RHOT1: variants seen among roughly 807,000 people sequenced by gnomAD.
The protein encoded by RHOT1 is mitochondrial Rho GTPase 1.
A neutral mutation model predicts 95.3 loss-of-function variants in RHOT1; 27 were observed. That is an observed-to-expected ratio of 0.28 (90% confidence interval 0.21 to 0.39). The LOEUF is 0.39. RHOT1 is among the 10% of genes least tolerant of loss of function. RHOT1 has a pLI of 1.00. For synonymous variants in RHOT1, 227 were observed against 263.5 expected, an observed-to-expected ratio of 0.86 and a Z score of 1.34; for missense variants, 578 against 786.7, an observed-to-expected ratio of 0.73 and a Z score of 3.17.
chr17:32,154,648 T>G (rs2032744307), intron 1 of RHOT1, among the ~76,000 whole-genome samples: 1 of 149,654 alleles, frequency 6.7e-6, no homozygotes, highest in South Asian at 2.1e-4. Context: ...AACCTGGCAC[T>G]TTGGGAGGCT....
intron 10 of RHOT1, 127 bp from the exon 11 acceptor site, chr17:32,193,860 T>G: frequency 8.3e-7 from 1 of 1,197,918 alleles, no homozygotes; most frequent in Non-Finnish European, 1.2e-6. Flanking sequence ...TGAATTTTGT[T>G]TTGTTTTGAG....
At chr17:32,143,763 G>T (rs2030830510) in intron 1 of RHOT1, among the ~76,000 whole-genome samples, 1 of 152,240 alleles carries the variant, frequency 6.6e-6, no homozygotes, top group South Asian at 2.1e-4. Flanking sequence ...GTTTTAAAGA[G>T]TTAATACATT....
chr17:32,193,861 T>C, intron 10 of RHOT1, 126 bp from the exon 11 acceptor site: 1 of 1,209,550 alleles, frequency 8.3e-7, no homozygotes, highest in Non-Finnish European at 1.1e-6. Flanking sequence ...GAATTTTGTT[T>C]TGTTTTGAGC....
At chr17:32,150,622 T>G in intron 1 of RHOT1, 1 of 1,587,962 alleles carries the variant, frequency 6.3e-7, no homozygotes, top group East Asian at 2.2e-5. Context: ...TGAGAGATAC[T>G]GATACAGACA....
At chr17:32,151,087 A>C in intron 1 of RHOT1, 2 of 1,068,438 alleles carry the variant, frequency 1.9e-6, no homozygotes, top group South Asian at 2.6e-5. Flanking sequence ...CTGAGTGAAA[A>C]CAGCCAGGTT....
At chr17:32,222,679 A>G (rs2038905735) in intron 19 of RHOT1, 1 of 159,028 alleles carries the variant, frequency 6.3e-6, no homozygotes, top group Non-Finnish European at 1.4e-5. Flanking sequence ...TGTGGGATGC[A>G]TAATTGAGAG....
At chr17:32,158,116 A>G in intron 1 of RHOT1, among the ~76,000 whole-genome samples, 1 of 152,090 alleles carries the variant, frequency 6.6e-6, no homozygotes, top group East Asian at 1.9e-4. Flanking sequence ...TCAGCCTCCC[A>G]AAGTGCTGGG....
At chr17:32,144,385 TA>T (rs1311734809) in intron 1 of RHOT1, among the ~76,000 whole-genome samples, 1 of 151,884 alleles carries the variant, frequency 6.6e-6, no homozygotes, top group East Asian at 1.9e-4. Context: ...CCGTCTCTAC[TA>T]AAAATACGAA....
At position 32,180,931 on chromosome 17, in the gene RHOT1, C is replaced by T. The variant is rs534897665; in HGVS notation, c.330-1826C>T. ...AGCTCCTGGTCTCAAGCAGTCCTTC[C>T]GCCTTGGCCTCCCAAAGTGCTGAAA... On this transcript the variant is annotated intron_variant, in intron 6 of 19. Transcript: ENST00000545287. Among the ~76,000 whole-genome samples, 19 of 152,272 alleles carry T rather than the reference C, an allele frequency of 1.2e-4. No individual in the cohort carries two copies. In the South Asian group the frequency reaches 3.1e-3, roughly 25 times the overall value.
chr17:32,158,948 G>C (rs1448175923), intron 1 of RHOT1, among the ~76,000 whole-genome samples: 1 of 152,162 alleles, frequency 6.6e-6, no homozygotes, highest in Non-Finnish European at 1.5e-5. Flanking sequence ...AGCAGGAGTG[G>C]CTGCTGGAGC....
At position 32,224,792 on chromosome 17, in the gene RHOT1, T is replaced by C; in HGVS notation, c.*59T>C. ...ATACTTTTATGTACATTCTGAATGC[T>C]TTAAGTTCTGCTAGAATTATTGAGA... On this transcript the variant is annotated 3_prime_UTR_variant, in exon 20 of 20. Transcript: ENST00000545287. 1.0e-6 allele frequency: 1 copy of C among 981,108 alleles called. No homozygotes were observed. The highest frequency in any genetic ancestry group is 2.4e-5 in the East Asian group (1 of 41,120). 60.8% of individuals were successfully genotyped at this position (981,108 alleles called of 1,614,324 possible).
intron 8 of RHOT1, among the ~76,000 whole-genome samples, chr17:32,187,475 G>A (rs55869192): frequency 9.9e-4 from 150 of 152,258 alleles, no homozygotes; most frequent in African/African-American, 3.6e-3. Flanking sequence ...AGAATAAAAA[G>A]TTGCAGATAT....
intron 10 of RHOT1, 53 bp from the exon 11 acceptor site, chr17:32,193,934 C>T (rs1333005595): frequency 1.3e-6 from 2 of 1,587,574 alleles, no homozygotes; most frequent in Admixed American, 3.5e-5. Context: ...ATGTTACATG[C>T]TTTTCTCCTA....
chr17:32,160,613 A>G (rs2033446082), intron 1 of RHOT1, among the ~76,000 whole-genome samples: 1 of 152,204 alleles, frequency 6.6e-6, no homozygotes, highest in African/African-American at 2.4e-5. Flanking sequence ...GGAGTCGCCA[A>G]GCTTCCGGGC....
At chr17:32,187,623 T>C (rs2036157721) in intron 8 of RHOT1, among the ~76,000 whole-genome samples, 1 of 152,174 alleles carries the variant, frequency 6.6e-6, no homozygotes, top group South Asian at 2.1e-4. Flanking sequence ...CTCGCTCTGT[T>C]GCCCACGTTG....
chr17:32,223,483 C>T (rs560347303), intron 19 of RHOT1, among the ~76,000 whole-genome samples: 17 of 149,980 alleles, frequency 1.1e-4, no homozygotes, highest in Admixed American at 1.1e-3. Flanking sequence ...GGCACCGTGT[C>T]GGCTCACTGC....
At chr17:32,145,083 G>T (rs2031100346) in intron 1 of RHOT1, among the ~76,000 whole-genome samples, 1 of 152,032 alleles carries the variant, frequency 6.6e-6, no homozygotes, top group Non-Finnish European at 1.5e-5. Context: ...GATCACCTGA[G>T]GTCAGGAGTT....
rs556704219 is a variant in RHOT1 at position 32,183,124 on chromosome 17, T to A, written c.439-47T>A. On this transcript the variant is annotated intron_variant, in intron 7 of 19. Coordinates refer to ENST00000545287, the MANE Select transcript of RHOT1 (RefSeq NM_001033566.3). ...TTATGTTGATAATTTGAAAATTGTT[T>A]TTAGCTCTCATAATTGATTTCAGAG... is the stretch of plus-strand genomic sequence containing the variant. 2.1e-6 allele frequency: 3 copies of A among 1,450,770 alleles called. No individual in the cohort carries two copies. In the East Asian group the frequency reaches 6.9e-5, roughly 33 times the overall value. The allele number at this position is 1,450,770 out of a possible 1,614,324, so 89.9% of individuals were successfully genotyped here.
intron 1 of RHOT1, among the ~76,000 whole-genome samples, chr17:32,169,359 A>T (rs946625567): frequency 6.6e-6 from 1 of 152,246 alleles, no homozygotes; most frequent in Non-Finnish European, 1.5e-5. Flanking sequence ...TAACAATAGT[A>T]ATTATATGAT....
Sources: gnomAD v4.1 joint callset for allele counts (sites outside exome capture counted in the v4.1 genomes callset) on GRCh38, gnomAD v4.1.1 for gene constraint, MANE v1.5 for transcripts, NCBI Gene and HGNC (gene_info 2026-07-23, HGNC 2026-07-21) for gene names.